Variants in RIOK2 observed in about 807,000 individuals in gnomAD.
RIOK2 encodes the protein serine/threonine-protein kinase RIO2.
In RIOK2, 46 loss-of-function variants were observed where a neutral mutation model predicts 62.4. That is an observed-to-expected ratio of 0.74 (90% CI 0.58 to 0.94). The LOEUF is 0.94. RIOK2 is among the 40% of genes least tolerant of loss of function. RIOK2 has a pLI of 0.00. For missense variants in RIOK2, 574 were observed against 658.0 expected (o/e 0.87, Z 1.40); for synonymous variants, 197 against 216.0 (o/e 0.91, Z 0.77).
intron 4 of RIOK2, among the ~76,000 whole-genome samples, chr5:97,174,177 G>A (rs556789215): frequency 6.6e-6 from 1 of 152,260 alleles, no homozygotes; most frequent in South Asian, 2.1e-4. Context: ...CCAGCAATTT[G>A]GGAGGCCGAG....
intron 9 of RIOK2, 62 bp from the exon 10 acceptor site, chr5:97,163,287 A>G: frequency 7.5e-7 from 1 of 1,332,522 alleles, no homozygotes; most frequent in South Asian, 1.2e-5. Context: ...TACACTGCTA[A>G]TATCTGTTCT....
chr5:97,163,667 T>C (rs1325036787), intron 9 of RIOK2, among the ~76,000 whole-genome samples: 1 of 151,526 alleles, frequency 6.6e-6, no homozygotes, highest in Non-Finnish European at 1.5e-5. Flanking sequence ...AAAGTCTTCA[T>C]ATGTCTTTTG....
Position 97,162,993 on chromosome 5 carries a change from T to C in RIOK2, c.*68A>G. 3.8e-6 allele frequency: 5 copies of C among 1,326,164 alleles called. No homozygotes were observed. The highest frequency in any genetic ancestry group is 1.5e-5 in the African/African-American group (1 of 67,354). The allele number at this position is 1,326,164 out of a possible 1,614,324, so 82.1% of individuals were successfully genotyped here. A position where few individuals can be genotyped will look rare whatever the true frequency, so the allele number is the denominator to read the frequency against. ...ATAGCCTTGGCTCAAAAAAGACAAA[T>C]GAGGGCTCAAAAAGGAATTACAGTA... On this transcript the variant is annotated 3_prime_UTR_variant, in exon 10 of 10. Transcript: ENST00000283109.
chr5:97,166,119 C>G, intron 8 of RIOK2: 1 of 253,778 alleles, frequency 3.9e-6, no homozygotes. Context: ...TGGACTGGAA[C>G]TGTACCATGG....
At chr5:97,179,017 T>C (rs1283045171) in intron 2 of RIOK2, 38 bp downstream of exon 2, 1 of 1,612,828 alleles carries the variant, frequency 6.2e-7, no homozygotes, top group African/African-American at 1.3e-5. Context: ...GGAAACCAAT[T>C]ACCTGAAAAA....
intron 1 of RIOK2, among the ~76,000 whole-genome samples, chr5:97,179,996 T>TATATA (rs1554083522): frequency 1.9e-5 from 1 of 52,892 alleles, no homozygotes; most frequent in African/African-American, 7.3e-5. Context: ...ATATAAAATA[T>TATATA]ATATATATTA....
intron 1 of RIOK2, among the ~76,000 whole-genome samples, chr5:97,180,761 G>T (rs1033147827): frequency 5.3e-5 from 8 of 152,098 alleles, no homozygotes; most frequent in East Asian, 1.9e-4. Context: ...TAGTGGTACT[G>T]GAAGGAAGGA....
intron 8 of RIOK2, chr5:97,166,895 T>C (rs1407334047): frequency 2.0e-6 from 2 of 979,076 alleles, no homozygotes; most frequent in Non-Finnish European, 1.2e-6. Flanking sequence ...CCTGCAATAA[T>C]TTTAAAATCA....
At position 97,176,991 on chromosome 5, in the gene RIOK2, T is replaced by C. The variant is rs191247376; in HGVS notation, c.498+125A>G. The C allele has an allele frequency of 7.9e-5, 62 of 783,696 alleles. No individual in the cohort carries two copies. In the African/African-American group the frequency reaches 1.0e-3, roughly 13 times the overall value. 48.5% of individuals were successfully genotyped at this position (783,696 alleles called of 1,614,324 possible). On this transcript the variant is annotated intron_variant, in intron 4 of 9. Coordinates refer to ENST00000283109, the MANE Select transcript of RIOK2 (RefSeq NM_018343.3). ...ACAGAGTTATTTAAGATTGAGTCTG[T>C]CTGTAGGAATTGAGTCTAAGGTTAG...
At chr5:97,168,109 A>C in intron 7 of RIOK2, 118 bp from the exon 8 acceptor site, 1 of 1,062,612 alleles carries the variant, frequency 9.4e-7, no homozygotes, top group Non-Finnish European at 1.3e-6. Flanking sequence ...ATATGTTAAA[A>C]ATAAATTTTC....
intron 8 of RIOK2, chr5:97,167,225 A>C: frequency 7.2e-7 from 1 of 1,388,836 alleles, no homozygotes. Flanking sequence ...CCCAGCCATC[A>C]GTTTGTATTT....
chr5:97,172,097 G>C (rs1283582943), intron 5 of RIOK2, among the ~76,000 whole-genome samples: 2 of 151,770 alleles, frequency 1.3e-5, no homozygotes, highest in Non-Finnish European at 2.9e-5. Context: ...CTTTTTCCTT[G>C]ACCTCTAAAT....
intron 1 of RIOK2, among the ~76,000 whole-genome samples, chr5:97,180,162 G>GTATGTATATATATATATATA (rs1749365102): frequency 1.5e-5 from 1 of 66,078 alleles, no homozygotes; most frequent in Non-Finnish European, 3.3e-5. Flanking sequence ...ATATATATAT[G>GTATGTATATATATATATATA]TGCTTTTTAC....
At chr5:97,168,694 T>C in intron 7 of RIOK2, 66 bp downstream of exon 7, 1 of 1,012,752 alleles carries the variant, frequency 9.9e-7, no homozygotes. Context: ...AAAATGTTAA[T>C]TTTTAGAAAT....
chr5:97,164,649 T>C (rs1016463380), intron 9 of RIOK2, among the ~76,000 whole-genome samples: 3 of 152,218 alleles, frequency 2.0e-5, no homozygotes, highest in African/African-American at 7.2e-5. Flanking sequence ...TCAGCTCATA[T>C]GAAGAATGAC....
chr5:97,179,964 T>TTTATATATATATATTATATATATA (rs1561521861), intron 1 of RIOK2, among the ~76,000 whole-genome samples: 2 of 12,562 alleles, frequency 1.6e-4, no homozygotes. Flanking sequence ...AAAAGTATTT[T>TTTATATATATATATTATATATATA]ATATATATAT....
Position 97,173,342 on chromosome 5 carries a change from C to T in RIOK2, c.499-79G>A, listed in dbSNP as rs1403542128. The T allele has an allele frequency of 2.4e-5, 21 of 862,688 alleles. 1 individual carries two copies. The Admixed American group carries it at 4.7e-4, about 19-fold the overall frequency. The allele number at this position is 862,688 out of a possible 1,614,324, so 53.4% of individuals were successfully genotyped here. A position where few individuals can be genotyped will look rare whatever the true frequency, so the allele number is the denominator to read the frequency against. Reference sequence around the variant, plus strand: ...GAACAATAAAAGTAAATATACCTTTCTACAACCAGAAAAAAAACACACAAA... The same window carrying T: ...GAACAATAAAAGTAAATATACCTTTTTACAACCAGAAAAAAAACACACAAA... On this transcript the variant is annotated intron_variant, in intron 4 of 9. Coordinates refer to ENST00000283109, the MANE Select transcript of RIOK2 (RefSeq NM_018343.3).
intron 1 of RIOK2, among the ~76,000 whole-genome samples, chr5:97,181,976 A>T (rs1461043910): frequency 6.6e-6 from 1 of 152,228 alleles, no homozygotes; most frequent in Non-Finnish European, 1.5e-5. Context: ...GCGCTATTTA[A>T]GATTAATTTT....
At chr5:97,182,884 TAGC>T in intron 1 of RIOK2, 1 of 465,302 alleles carries the variant, frequency 2.1e-6, no homozygotes, top group Non-Finnish European at 3.9e-6. Context: ...GCAAAGCGAA[TAGC>T]AGCAGAAAAG....
Sources: gnomAD v4.1 joint callset for allele counts (sites outside exome capture counted in the v4.1 genomes callset) on GRCh38, gnomAD v4.1.1 for gene constraint, MANE v1.5 for transcripts, NCBI Gene and HGNC (gene_info 2026-07-23, HGNC 2026-07-21) for gene names.